The following SLC30A6 variants were observed in gnomAD, a reference collection of about 807,000 sequenced individuals.
SLC30A6 encodes solute carrier family 30 member 6.
Under a neutral mutation model 63.0 loss-of-function variants are expected in SLC30A6, and 55 were observed. The ratio of observed to expected loss-of-function variants is 0.87; its 90% CI spans 0.70 to 1.09. The LOEUF is 1.09. Ranked by LOEUF, SLC30A6 falls within the 50% of genes least tolerant of loss-of-function variation. SLC30A6 has a pLI of 0.00. For missense variants in SLC30A6, 587 were observed against 549.2 expected (o/e 1.07, Z -0.69); for synonymous variants, 224 against 186.1 (o/e 1.20, Z -1.66).
intron 13 of SLC30A6, among the ~76,000 whole-genome samples, chr2:32,211,185 C>G (rs1272186801): frequency 6.6e-6 from 1 of 152,218 alleles, no homozygotes; most frequent in Non-Finnish European, 1.5e-5. Context: ...GGCTTTGGCT[C>G]ATTGCCTGGC....
At chr2:32,176,988 G>T (rs1472721664) in intron 4 of SLC30A6, among the ~76,000 whole-genome samples, 1 of 151,756 alleles carries the variant, frequency 6.6e-6, no homozygotes, top group Admixed American at 6.6e-5. Flanking sequence ...GGCCAGGCTG[G>T]TCTCGAACTC....
Position 32,209,512 on chromosome 2 carries a change from T to C in SLC30A6, c.836T>C (p.Val279Ala). 6.2e-7 allele frequency: 1 copy of C among 1,612,866 alleles called. No homozygotes were observed. The highest frequency in any genetic ancestry group is 1.1e-5 in the South Asian group (1 of 90,788). Residue 279 changes from valine to alanine, a missense_variant, in exon 13 of 14, where the codon GTT (valine) becomes GCT (alanine). By Grantham distance (64) the Val-to-Ala change is moderately conservative. Transcript: ENST00000282587. Reference sequence around the variant, plus strand: ...TGGTAGGTATCTACCTTAGATGGAGTTTTAGAAGTCCGAAATGAACATTTT... The same window carrying C: ...TGGTAGGTATCTACCTTAGATGGAGCTTTAGAAGTCCGAAATGAACATTTT... ...LIREVSTLDG[V>A]LEVRNEHFWT...
chr2:32,166,464 A>G (rs1432389267), intron 1 of SLC30A6, among the ~76,000 whole-genome samples: 1 of 152,182 alleles, frequency 6.6e-6, no homozygotes, highest in East Asian at 1.9e-4. Flanking sequence ...TTGCTGCTTT[A>G]TTTCTGGGTT....
At chr2:32,217,102 TGG>T (rs1685779716) in intron 13 of SLC30A6, among the ~76,000 whole-genome samples, 1 of 152,072 alleles carries the variant, frequency 6.6e-6, no homozygotes, top group Non-Finnish European at 1.5e-5. Context: ...TTCACCATGT[TGG>T]TCAGGCTGGT....
At chr2:32,203,805 T>C in intron 10 of SLC30A6, 1 of 1,461,876 alleles carries the variant, frequency 6.8e-7, no homozygotes, top group Non-Finnish European at 9.6e-7. Flanking sequence ...AATATTATGA[T>C]AGAAACACAT....
intron 10 of SLC30A6, 46 bp from the exon 11 acceptor site, chr2:32,204,544 C>T: frequency 2.4e-6 from 3 of 1,266,728 alleles, no homozygotes; most frequent in Non-Finnish European, 3.4e-6. Flanking sequence ...TGTAATATGC[C>T]CAGTGAGATA....
chr2:32,172,198 A>G (rs7588883), intron 2 of SLC30A6, among the ~76,000 whole-genome samples: 75,919 of 151,936 alleles, frequency 0.5, 19,223 homozygotes, highest in East Asian at 0.63. Context: ...TACAATATAA[A>G]CATTCAGTAA....
chr2:32,210,573 GCT>G (rs1308494218), intron 13 of SLC30A6, among the ~76,000 whole-genome samples: 1 of 143,038 alleles, frequency 7.0e-6, no homozygotes, highest in Non-Finnish European at 1.5e-5. Flanking sequence ...TTTATAATTA[GCT>G]CTTTTTGTTT....
intron 10 of SLC30A6, chr2:32,202,657 A>G (rs895825033): frequency 3.3e-6 from 2 of 609,666 alleles, no homozygotes; most frequent in Non-Finnish European, 3.1e-6. Flanking sequence ...AAACTGTGCC[A>G]TGTTGTGCTT....
At chr2:32,197,913 T>A in intron 10 of SLC30A6, 87 bp downstream of exon 10, 1 of 1,501,262 alleles carries the variant, frequency 6.7e-7, no homozygotes, top group East Asian at 2.3e-5. Flanking sequence ...GTGGTCAAGC[T>A]TCTAGCAGTT....
chr2:32,210,538 A>G (rs1406537277), intron 13 of SLC30A6, among the ~76,000 whole-genome samples: 5 of 133,528 alleles, frequency 3.7e-5, no homozygotes, highest in East Asian at 2.1e-4. Flanking sequence ...AAAAAAAAAA[A>G]CAACAGAAAA....
In SLC30A6 at chr2:32,222,261, A is replaced by G. The variant is rs1686182407; in HGVS notation, c.*1548A>G. On this transcript the variant is annotated 3_prime_UTR_variant, in exon 14 of 14. Transcript: ENST00000282587. ...CACACATGACCTAGGAGGGTTTTTT[A>G]TTGTTTTATTTTATTATGCATTCCA... The G allele has an allele frequency of 1.3e-5, 2 of 152,102 alleles. No individual in the cohort carries two copies. Among genetic ancestry groups the G allele is most frequent in the African/African-American group, 2.4e-5 (1 of 41,426 alleles). 9.4% of individuals were successfully genotyped at this position (152,102 alleles called of 1,614,324 possible). A position where few individuals can be genotyped will look rare whatever the true frequency, so the allele number is the denominator to read the frequency against.
chr2:32,197,569 GC>G, intron 9 of SLC30A6, 137 bp from the exon 10 acceptor site: 1 of 1,347,004 alleles, frequency 7.4e-7, no homozygotes, highest in South Asian at 1.4e-5. Context: ...AAATGAAAGG[GC>G]TTTGTTCACA....
chr2:32,186,232 G>A (rs756497067), intron 5 of SLC30A6, among the ~76,000 whole-genome samples: 3 of 152,112 alleles, frequency 2.0e-5, no homozygotes, highest in Middle Eastern at 3.2e-3. Context: ...ATGGAGTGTC[G>A]CCATGTTGGT....
chr2:32,197,639 T>G (rs1326543323), intron 9 of SLC30A6, 68 bp from the exon 10 acceptor site: 7 of 1,601,076 alleles, frequency 4.4e-6, no homozygotes, highest in Non-Finnish European at 5.1e-6. Flanking sequence ...AAGTTATCTT[T>G]TACAAGGTTG....
In SLC30A6 at chr2:32,182,817, G is replaced by A. The variant is rs546531368; in HGVS notation, c.219-1456G>A. Among the ~76,000 whole-genome samples, 6 of 152,242 alleles carry A rather than the reference G, an allele frequency of 3.9e-5. 1 individual carries two copies. The highest frequency in any genetic ancestry group is 4.1e-4 in the South Asian group (2 of 4,832). On this transcript the variant is annotated intron_variant, in intron 4 of 13. Transcript: ENST00000282587. The stretch of plus-strand genomic sequence containing the variant: ...TCCAAATCCAGAGCAGCATTTTGAC[G>A]CAGCTTAGGTTACATGTGTCAGGTG...
chr2:32,201,966 C>T (rs2148876507), intron 10 of SLC30A6: 1 of 1,403,188 alleles, frequency 7.1e-7, no homozygotes, highest in Non-Finnish European at 9.8e-7. Context: ...CAGATGAATT[C>T]TCTAAATCTC....
At chr2:32,207,744 A>G (rs1327587738) in intron 12 of SLC30A6, among the ~76,000 whole-genome samples, 2 of 118,980 alleles carry the variant, frequency 1.7e-5, no homozygotes, top group African/African-American at 3.3e-5. Context: ...TCTGTCGCCC[A>G]GGCTGGAGTG....
intron 4 of SLC30A6, among the ~76,000 whole-genome samples, chr2:32,181,795 G>A (rs1225754760): frequency 6.6e-6 from 1 of 152,006 alleles, no homozygotes; most frequent in Admixed American, 6.6e-5. Context: ...TTGAGCCTGG[G>A]AGGTGGAGGT....
Sources: gnomAD v4.1 joint callset for allele counts (sites outside exome capture counted in the v4.1 genomes callset) on GRCh38, gnomAD v4.1.1 for gene constraint, MANE v1.5 for transcripts, NCBI Gene and HGNC (gene_info 2026-07-23, HGNC 2026-07-21) for gene names.